The following ATP10A variants were observed in gnomAD, a reference collection of about 807,000 sequenced individuals.
ATP10A encodes the protein phospholipid-transporting ATPase VA.
In ATP10A, 111 loss-of-function variants were observed where a neutral mutation model predicts 147.8. The ratio of observed to expected loss-of-function variants is 0.75; its 90% CI spans 0.64 to 0.88. ATP10A has a LOEUF of 0.88. Among genes scored for constraint, ATP10A ranks in the 40% least tolerant of loss-of-function variants. The pLI is 0.00. For synonymous variants in ATP10A, 875 were observed against 841.6 expected (o/e 1.04, Z -0.69); for missense variants, 1,927 against 1,959.0 (o/e 0.98, Z 0.31).
chr15:25,726,875 TC>T (rs1902593504), intron 4 of ATP10A, among the ~76,000 whole-genome samples: 1 of 138,760 alleles, frequency 7.2e-6, no homozygotes, highest in Admixed American at 7.5e-5. Context: ...TACGGTGAAA[TC>T]CCGTATCTAC....
intron 1 of ATP10A, among the ~76,000 whole-genome samples, chr15:25,833,694 C>T (rs1323704671): frequency 1.3e-5 from 2 of 152,210 alleles, no homozygotes; most frequent in Non-Finnish European, 2.9e-5. Context: ...TTAAAATCTA[C>T]TCTCAGCCGG....
chr15:25,815,664 A>G (rs17116207), intron 1 of ATP10A, among the ~76,000 whole-genome samples: 122,292 of 151,830 alleles, frequency 0.81, 49,361 homozygotes, highest in East Asian at 0.84. Context: ...GAATTCTGCA[A>G]AAAAATTTGT....
At chr15:25,725,208 T>A (rs926407082) in intron 5 of ATP10A, among the ~76,000 whole-genome samples, 10 of 152,200 alleles carry the variant, frequency 6.6e-5, no homozygotes, top group Non-Finnish European at 1.5e-4. Context: ...AGAATCTAAC[T>A]GGTGCCTGAT....
chr15:25,804,051 A>G (rs1367184341), intron 1 of ATP10A, among the ~76,000 whole-genome samples: 2 of 138,504 alleles, frequency 1.4e-5, no homozygotes, highest in African/African-American at 2.8e-5. Flanking sequence ...GTGTGTGTCC[A>G]TATGTGTGGT....
chr15:25,802,810 T>C (rs1890999978), intron 1 of ATP10A, among the ~76,000 whole-genome samples: 1 of 151,946 alleles, frequency 6.6e-6, no homozygotes, highest in Admixed American at 6.5e-5. Flanking sequence ...TCCAGGAGAA[T>C]CTATCTCGAG....
At position 25,724,083 on chromosome 15, in the gene ATP10A, G is replaced by A. The variant is rs562334126; in HGVS notation, c.980-62C>T. The A allele has an allele frequency of 4.6e-5, 65 of 1,398,874 alleles. No individual in the cohort carries two copies. The African/African-American group carries it at 6.1e-4, about 13-fold the overall frequency. 86.7% of individuals were successfully genotyped at this position (1,398,874 alleles called of 1,614,324 possible). A position where few individuals can be genotyped will look rare whatever the true frequency, so the allele number is the denominator to read the frequency against. ...ATGGAAAAATAAGAATATTGCTAGC[G>A]TATATTAAAGCAAAACTTTAATATT... is the stretch of plus-strand genomic sequence containing the variant. On this transcript the variant is annotated intron_variant, in intron 5 of 20. Transcript: ENST00000555815.
chr15:25,676,235 C>T (rs1442379440), downstream of ATP10A, among the ~76,000 whole-genome samples: 1 of 152,130 alleles, frequency 6.6e-6, no homozygotes. Context: ...GGCACAGATA[C>T]GATGAGGGCA....
intron 1 of ATP10A, among the ~76,000 whole-genome samples, chr15:25,783,459 CCT>C (rs1395555751): frequency 7.9e-6 from 1 of 126,542 alleles, no homozygotes; most frequent in East Asian, 2.4e-4. Context: ...ATTTAATTCC[CCT>C]GTGTGGATTT....
chr15:25,844,293 C>T (rs1038028245), intron 1 of ATP10A, among the ~76,000 whole-genome samples: 3 of 152,178 alleles, frequency 2.0e-5, no homozygotes, highest in South Asian at 4.1e-4. Flanking sequence ...CACGGCACGT[C>T]TTTGCCAGCT....
chr15:25,849,003 G>A (rs1404867747), intron 1 of ATP10A, among the ~76,000 whole-genome samples: 1 of 152,088 alleles, frequency 6.6e-6, no homozygotes, highest in Non-Finnish European at 1.5e-5. Flanking sequence ...GTGGGAGGGG[G>A]AACATAGGGG....
intron 1 of ATP10A, among the ~76,000 whole-genome samples, chr15:25,851,365 T>A (rs757070418): frequency 2.3e-4 from 35 of 150,366 alleles, no homozygotes; most frequent in Non-Finnish European, 4.0e-4. Context: ...TACTTTAGGT[T>A]TTTTTTTTTA....
At chr15:25,701,136 C>T (rs538646650) in intron 13 of ATP10A, among the ~76,000 whole-genome samples, 1 of 152,294 alleles carries the variant, frequency 6.6e-6, no homozygotes, top group East Asian at 1.9e-4. Context: ...GAAAGGCAGC[C>T]TTTCCTACGC....
rs1425254192 is a variant in ATP10A, at chr15:25,736,088, T to C, written c.708A>G (p.Pro236=). Residue 236 remains proline, a synonymous_variant, in exon 3 of 21, where the codon CCA becomes CCG. Transcript: ENST00000555815. ...TFTSVIECEK[P]NNDLSRFRGC... ...CGCGAAACCTACTCAGGTCGTTGTT[T>C]GGCTTCTCGCATTCGATCACGCTGG... The C allele has an allele frequency of 1.2e-6, 2 of 1,613,598 alleles. No homozygotes were observed. The highest frequency in any genetic ancestry group is 1.3e-5 in the African/African-American group (1 of 74,940).
intron 14 of ATP10A, 142 bp from the exon 15 acceptor site, chr15:25,691,933 A>G (rs1383432544): frequency 2.3e-6 from 2 of 888,180 alleles, no homozygotes; most frequent in Non-Finnish European, 3.7e-6. Context: ...AAAGGAGTAG[A>G]GCATCCACCC....
chr15:25,806,254 T>A (rs148128142), intron 1 of ATP10A, among the ~76,000 whole-genome samples: 2 of 152,188 alleles, frequency 1.3e-5, no homozygotes, highest in African/African-American at 2.4e-5. Context: ...AGAATGAAGA[T>A]CTGTATGATG....
chr15:25,711,453 A>C (rs1901413938), intron 10 of ATP10A, among the ~76,000 whole-genome samples: 1 of 152,114 alleles, frequency 6.6e-6, no homozygotes, highest in Admixed American at 6.5e-5. Flanking sequence ...AGGCGGTCAC[A>C]GGTGGGTAAC....
At position 25,744,278 on chromosome 15, in the gene ATP10A, C is replaced by T. The variant is rs924823233; in HGVS notation, c.655-8137G>A. 3.3e-4 allele frequency among the ~76,000 whole-genome samples: 50 copies of T among 152,078 alleles called. 1 individual carries two copies. The highest frequency in any genetic ancestry group is 3.1e-3 in the Admixed American group (48 of 15,268). ...AATGGAGTATAATAATTCCAAATTG[C>T]TAGAACCCCTAGATACTAAACAAAA... On this transcript the variant is annotated intron_variant, in intron 2 of 20. Coordinates refer to ENST00000555815, the MANE Select transcript of ATP10A (RefSeq NM_024490.4).
In ATP10A at chr15:25,826,051, C is replaced by T. The variant is rs572949247; in HGVS notation, c.449+36597G>A. ...ATAAATGAAATAAAAATTTGAAGAT[C>T]TCAACAGCAGATTTCTGAGCAAACA... On this transcript the variant is annotated intron_variant, in intron 1 of 20. Transcript: ENST00000555815. Among the ~76,000 whole-genome samples, 16 of 152,158 alleles carry T rather than the reference C, an allele frequency of 1.1e-4. No individual in the cohort carries two copies. The South Asian group carries it at 3.3e-3, about 32-fold the overall frequency.
intron 2 of ATP10A, among the ~76,000 whole-genome samples, chr15:25,776,145 T>A (rs1293288137): frequency 6.6e-6 from 1 of 152,350 alleles, no homozygotes; most frequent in Admixed American, 6.5e-5. Context: ...TATATAAAAT[T>A]ATCAGTCTAG....
Sources: allele counts gnomAD v4.1 joint callset (sites outside exome capture counted in the v4.1 genomes callset), GRCh38; gene constraint gnomAD v4.1.1; transcripts MANE v1.5; gene names NCBI Gene and HGNC (gene_info 2026-07-23, HGNC 2026-07-21).